The following RGS6 variants were observed in gnomAD, a reference collection of about 807,000 sequenced individuals.
RGS6 encodes regulator of G-protein signaling 6.
Under a neutral mutation model 78.5 loss-of-function variants are expected in RGS6, and 30 were observed. The ratio of observed to expected loss-of-function variants is 0.38; its 90% CI spans 0.29 to 0.52. The LOEUF (loss-of-function observed/expected upper bound fraction) is 0.52, where lower values mean the gene tolerates loss of function less well. Among genes scored for constraint, RGS6 ranks in the 20% least tolerant of loss-of-function variants. RGS6 has a pLI of 0.85. For missense variants in RGS6, 495 were observed against 609.7 expected (o/e 0.81, Z 1.98); for synonymous variants, 206 against 206.0 (o/e 1.00, Z 0.00).
At chr14:72,149,402 C>G (rs2096652148) in intron 2 of RGS6, among the ~76,000 whole-genome samples, 1 of 152,136 alleles carries the variant, frequency 6.6e-6, no homozygotes, top group Non-Finnish European at 1.5e-5. Flanking sequence ...AAAACCACCA[C>G]ATGGCGGGGC....
chr14:71,901,835 G>A, the RGS6 span, among the ~76,000 whole-genome samples: 19 of 152,174 alleles, frequency 1.2e-4, no homozygotes, highest in Admixed American at 1.2e-3. Flanking sequence ...ATTACATCTT[G>A]ATTAATTCCA....
chr14:72,540,363 C>A, intron 17 of RGS6: 1 of 1,457,500 alleles, frequency 6.9e-7, no homozygotes, highest in South Asian at 1.5e-5. Flanking sequence ...ATCATCTGTT[C>A]AGGGCTTTGA....
intron 2 of RGS6, among the ~76,000 whole-genome samples, chr14:72,292,647 T>C (rs185769944): frequency 6.6e-6 from 1 of 152,368 alleles, no homozygotes; most frequent in Admixed American, 6.5e-5. Flanking sequence ...CTTGTTCTCC[T>C]TGAGTAATTC....
intron 13 of RGS6, among the ~76,000 whole-genome samples, chr14:72,505,371 G>A (rs1334222698): frequency 6.6e-6 from 1 of 152,192 alleles, no homozygotes; most frequent in Non-Finnish European, 1.5e-5. Flanking sequence ...TCTTCCTGCT[G>A]TGTCTTCACA....
rs115189729 is a variant in RGS6 at position 72,062,417 on chromosome 14, A to C, written c.84+97542A>C. On this transcript the variant is annotated intron_variant, in intron 2 of 17. Coordinates refer to ENST00000553525, the MANE Select transcript of RGS6 (RefSeq NM_001204424.2). Reference sequence around the variant, plus strand: ...GCACTGGGATTTTGAATGTGAGAGAACCATGACCTGCTTTATGTTGGAAAC... The same window carrying C: ...GCACTGGGATTTTGAATGTGAGAGACCCATGACCTGCTTTATGTTGGAAAC... 2.6e-3 allele frequency among the ~76,000 whole-genome samples: 402 copies of C among 152,244 alleles called. 1 individual carries two copies. Among genetic ancestry groups the C allele is most frequent in the African/African-American group, 9.4e-3 (390 of 41,534 alleles).
At chr14:72,221,791 A>G (rs896804475) in intron 2 of RGS6, among the ~76,000 whole-genome samples, 1 of 152,214 alleles carries the variant, frequency 6.6e-6, no homozygotes, top group Non-Finnish European at 1.5e-5. Flanking sequence ...CCAACACTTT[A>G]TTCAATTAGT....
At chr14:72,116,868 G>T (rs2095900109) in intron 2 of RGS6, among the ~76,000 whole-genome samples, 1 of 150,630 alleles carries the variant, frequency 6.6e-6, no homozygotes, top group Non-Finnish European at 1.5e-5. Flanking sequence ...GGAGGCTGAG[G>T]CAGGAGAATC....
chr14:72,270,839 A>C (rs1249539450), intron 2 of RGS6, among the ~76,000 whole-genome samples: 1 of 152,224 alleles, frequency 6.6e-6, no homozygotes, highest in African/African-American at 2.4e-5. Context: ...ACCGAAAGTT[A>C]AGTAGAATTC....
the RGS6 span, among the ~76,000 whole-genome samples, chr14:72,588,039 T>C: frequency 6.6e-6 from 1 of 152,144 alleles, no homozygotes; most frequent in East Asian, 1.9e-4. Flanking sequence ...GAGGCAGCCC[T>C]TTTGGGGAGC....
intron 14 of RGS6, among the ~76,000 whole-genome samples, chr14:72,517,238 G>A (rs529721727): frequency 3.3e-5 from 5 of 151,830 alleles, no homozygotes; most frequent in Non-Finnish European, 7.4e-5. Flanking sequence ...TTTCAGCTTC[G>A]CTTGTCCCTC....
chr14:72,105,715 A>G (rs950540152), intron 2 of RGS6, among the ~76,000 whole-genome samples: 1 of 152,214 alleles, frequency 6.6e-6, no homozygotes, highest in African/African-American at 2.4e-5. Context: ...CTGAGAATAA[A>G]TGTTGAGAAG....
intron 2 of RGS6, among the ~76,000 whole-genome samples, chr14:72,014,667 A>G (rs1219210407): frequency 2.6e-5 from 4 of 152,256 alleles, no homozygotes; most frequent in Non-Finnish European, 4.4e-5. Context: ...GTCCAAGCCT[A>G]CAGAACACAA....
At chr14:72,452,367 G>A (rs374256933) in intron 3 of RGS6, among the ~76,000 whole-genome samples, 11 of 152,134 alleles carry the variant, frequency 7.2e-5, no homozygotes, top group African/African-American at 2.2e-4. Context: ...AGGTTGGCGC[G>A]GGGAAACTGC....
chr14:72,285,737 T>G (rs76124781), intron 2 of RGS6, among the ~76,000 whole-genome samples: 2,537 of 152,344 alleles, frequency 0.017, 56 homozygotes, highest in African/African-American at 0.057. Context: ...CTCATTGTAT[T>G]TTTGATGTGC....
intron 2 of RGS6, among the ~76,000 whole-genome samples, chr14:71,985,821 C>T (rs2094687134): frequency 6.6e-6 from 1 of 152,162 alleles, no homozygotes; most frequent in Non-Finnish European, 1.5e-5. Flanking sequence ...AAGACATTTG[C>T]TATTTTATTC....
At chr14:72,412,485 C>T (rs2093492550) in intron 3 of RGS6, among the ~76,000 whole-genome samples, 1 of 152,108 alleles carries the variant, frequency 6.6e-6, no homozygotes, top group Admixed American at 6.6e-5. Flanking sequence ...TGGTAGCAGT[C>T]TATCCATTTT....
At chr14:72,279,110 A>T (rs2061177468) in intron 2 of RGS6, among the ~76,000 whole-genome samples, 1 of 152,050 alleles carries the variant, frequency 6.6e-6, no homozygotes, top group South Asian at 2.1e-4. Context: ...GGGCTTTAAC[A>T]TAAGAATTTT....
intron 2 of RGS6, among the ~76,000 whole-genome samples, chr14:72,231,731 GAGAGCGTGGGCTATGAATATATAGGGA>G (rs2049662026): frequency 6.6e-6 from 1 of 152,216 alleles, no homozygotes. Flanking sequence ...GGCATGAAGG[GAGAGCGTGGGCTATGAATATATAGGGA>G]AGAGCGTGTT....
At chr14:71,912,047 G>A in the RGS6 span, among the ~76,000 whole-genome samples, 4 of 152,154 alleles carry the variant, frequency 2.6e-5, no homozygotes, top group Non-Finnish European at 5.9e-5. Context: ...AAGACACAAA[G>A]CATCCCGTAA....
Sources: allele counts gnomAD v4.1 joint callset (sites outside exome capture counted in the v4.1 genomes callset), GRCh38; gene constraint gnomAD v4.1.1; transcripts MANE v1.5; gene names NCBI Gene and HGNC (gene_info 2026-07-23, HGNC 2026-07-21).